Variants in MGAT5 observed in about 807,000 individuals in gnomAD.
MGAT5 encodes alpha-1,6-mannosylglycoprotein 6-beta-N-acetylglucosaminyltransferase, also known as alpha-1,6-mannosylglycoprotein 6-beta-N-acetylglucosaminyltransferase A.
A neutral mutation model predicts 94.3 loss-of-function variants in MGAT5; 30 were observed. The ratio of observed to expected loss-of-function variants is 0.32; its 90% CI spans 0.24 to 0.43. The LOEUF (loss-of-function observed/expected upper bound fraction) is 0.43, where lower values mean the gene tolerates loss of function less well. Ranked by LOEUF, MGAT5 falls within the 20% of genes least tolerant of loss-of-function variation. The pLI is 1.00. For synonymous variants in MGAT5, 310 were observed against 322.9 expected, an observed-to-expected ratio of 0.96 and a Z score of 0.43; for missense variants, 691 against 905.5, an observed-to-expected ratio of 0.76 and a Z score of 3.04.
intron 1 of MGAT5, among the ~76,000 whole-genome samples, chr2:134,229,487 C>T (rs116562186): frequency 0.018 from 2,731 of 152,056 alleles, 34 homozygotes; most frequent in Non-Finnish European, 0.029. Context: ...AGATCTTTGC[C>T]GTGTTTATTT....
intron 2 of MGAT5, among the ~76,000 whole-genome samples, chr2:134,293,617 C>A (rs1481204901): frequency 6.6e-6 from 1 of 152,136 alleles, no homozygotes; most frequent in African/African-American, 2.4e-5. Flanking sequence ...TATAGGTATA[C>A]ACCACCATGC....
chr2:134,205,723 G>T (rs559751485), intron 1 of MGAT5, among the ~76,000 whole-genome samples: 6 of 152,282 alleles, frequency 3.9e-5, no homozygotes, highest in African/African-American at 1.4e-4. Flanking sequence ...ATTTGCAGTC[G>T]TGGGACAGGG....
chr2:134,376,988 C>T (rs547863311), intron 10 of MGAT5, among the ~76,000 whole-genome samples: 72 of 152,298 alleles, frequency 4.7e-4, no homozygotes, highest in African/African-American at 1.5e-3. Context: ...ATCCTTAAAA[C>T]GGTCTCACAG....
intron 10 of MGAT5, among the ~76,000 whole-genome samples, chr2:134,370,111 A>T (rs1003389944): frequency 6.6e-6 from 1 of 152,238 alleles, no homozygotes; most frequent in African/African-American, 2.4e-5. Flanking sequence ...ACTTGGGCTT[A>T]GTTTAAATTA....
chr2:134,403,191 T>G, intron 11 of MGAT5, 54 bp downstream of exon 11: 1 of 1,523,314 alleles, frequency 6.6e-7, no homozygotes, highest in South Asian at 1.3e-5. Context: ...GCTGTGAAAA[T>G]GGGATCAGAA....
At chr2:134,337,415 C>A (rs1447127464) in intron 5 of MGAT5, among the ~76,000 whole-genome samples, 1 of 152,002 alleles carries the variant, frequency 6.6e-6, no homozygotes, top group Admixed American at 6.6e-5. Context: ...GTTCAAGGCT[C>A]CAGTGAGCTG....
upstream of MGAT5, among the ~76,000 whole-genome samples, chr2:134,252,030 C>T (rs975979002): frequency 2.6e-5 from 4 of 152,166 alleles, no homozygotes; most frequent in Admixed American, 1.3e-4. Context: ...TAATGTCCTT[C>T]GGGTATATCC....
rs1236352813 is a variant in MGAT5, at chr2:134,453,659, A to T, written c.*4812A>T. ...CTGTCCTCAGGGATCAGACTCCCAGACTGGTTAGTTCTGCATGTTTCCATC... is the reference window on the plus strand; with the variant it reads ...CTGTCCTCAGGGATCAGACTCCCAGTCTGGTTAGTTCTGCATGTTTCCATC... On this transcript the variant is annotated 3_prime_UTR_variant, in exon 16 of 16. Transcript: ENST00000281923. 6.6e-6 allele frequency: 1 copy of T among 152,050 alleles called. No homozygotes were observed. The highest frequency in any genetic ancestry group is 1.9e-4 in the East Asian group (1 of 5,194). The allele number at this position is 152,050 out of a possible 1,614,324, so 9.4% of individuals were successfully genotyped here. A position where few individuals can be genotyped will look rare whatever the true frequency, so the allele number is the denominator to read the frequency against.
At chr2:134,379,782 G>A (rs751948241) in intron 10 of MGAT5, among the ~76,000 whole-genome samples, 2 of 152,228 alleles carry the variant, frequency 1.3e-5, no homozygotes, top group Non-Finnish European at 2.9e-5. Context: ...AGTCCTAGGA[G>A]CATGAAGTCT....
chr2:134,353,397 A>G (rs1458771561), intron 9 of MGAT5, among the ~76,000 whole-genome samples: 1 of 152,212 alleles, frequency 6.6e-6, no homozygotes, highest in Non-Finnish European at 1.5e-5. Context: ...TGTTATGGGT[A>G]TGTTGTAGGA....
chr2:134,197,619 TA>T (rs10709443), intron 1 of MGAT5, among the ~76,000 whole-genome samples: 64,680 of 152,038 alleles, frequency 0.43, 13,983 homozygotes, highest in East Asian at 0.51. Flanking sequence ...CAGTAGTTCT[TA>T]GTCATGTTCC....
At chr2:134,334,720 T>C (rs1341191379) in intron 4 of MGAT5, among the ~76,000 whole-genome samples, 2 of 152,080 alleles carry the variant, frequency 1.3e-5, no homozygotes, top group Non-Finnish European at 2.9e-5. Flanking sequence ...TTCATCCACT[T>C]GCAGGCTTTT....
chr2:134,307,916 T>G (rs566860587), intron 2 of MGAT5, among the ~76,000 whole-genome samples: 1 of 152,060 alleles, frequency 6.6e-6, no homozygotes, highest in African/African-American at 2.4e-5. Context: ...GCAGAACCAC[T>G]GCCTGGGGCC....
intron 1 of MGAT5, among the ~76,000 whole-genome samples, chr2:134,131,197 C>T (rs552089014): frequency 7.2e-5 from 11 of 152,204 alleles, no homozygotes; most frequent in South Asian, 2.1e-4. Context: ...CGAACATGTC[C>T]GAACATCAGA....
chr2:134,366,025 A>G (rs1364836602), intron 10 of MGAT5, among the ~76,000 whole-genome samples: 1 of 152,058 alleles, frequency 6.6e-6, no homozygotes, highest in Admixed American at 6.6e-5. Flanking sequence ...CAACTTAGGA[A>G]CCACCTCTGC....
At chr2:134,191,731 CCCTCCTCCT>C (rs530032788) in intron 1 of MGAT5, among the ~76,000 whole-genome samples, 1 of 139,304 alleles carries the variant, frequency 7.2e-6, no homozygotes, top group Non-Finnish European at 1.5e-5. Flanking sequence ...TGGGTTCGCG[CCCTCCTCCT>C]CCTCCTCCTC....
chr2:134,148,600 A>G (rs1687029754), intron 1 of MGAT5, among the ~76,000 whole-genome samples: 1 of 152,222 alleles, frequency 6.6e-6, no homozygotes, highest in South Asian at 2.1e-4. Context: ...TTTTGTGCAT[A>G]AACAATCATT....
At chr2:134,321,672 A>T (rs770403892) in intron 4 of MGAT5, among the ~76,000 whole-genome samples, 1 of 152,218 alleles carries the variant, frequency 6.6e-6, no homozygotes, top group Non-Finnish European at 1.5e-5. Context: ...TCATTAGCTC[A>T]TACCACTCTC....
At chr2:134,217,282 A>G (rs1039286934) in intron 1 of MGAT5, among the ~76,000 whole-genome samples, 1 of 132,092 alleles carries the variant, frequency 7.6e-6, no homozygotes, top group African/African-American at 3.5e-5. Context: ...AAATATACCA[A>G]ATGTGTTTTT....
Sources: gnomAD v4.1 joint callset for allele counts (sites outside exome capture counted in the v4.1 genomes callset) on GRCh38, gnomAD v4.1.1 for gene constraint, MANE v1.5 for transcripts, NCBI Gene and HGNC (gene_info 2026-07-23, HGNC 2026-07-21) for gene names.